MECOM: variants seen among roughly 807,000 people sequenced by gnomAD.
MECOM encodes the protein MDS1 and EVI1 complex locus.
Under a neutral mutation model 116.3 loss-of-function variants are expected in MECOM, and 13 were observed. The ratio of observed to expected loss-of-function variants is 0.11; its 90% CI spans 0.07 to 0.18. MECOM has a LOEUF of 0.18. Ranked by LOEUF, MECOM falls within the 10% of genes least tolerant of loss-of-function variation. The pLI is 1.00. For missense variants in MECOM, 1,299 were observed against 1,509.0 expected (o/e 0.86, Z 2.31); for synonymous variants, 528 against 535.2 (o/e 0.99, Z 0.19).
At chr3:169,354,602 CT>C (rs1244654661) in intron 2 of MECOM, among the ~76,000 whole-genome samples, 1 of 151,852 alleles carries the variant, frequency 6.6e-6, no homozygotes, top group African/African-American at 2.4e-5. Context: ...TACCAAAAAG[CT>C]TGTACCTTTA....
intron 2 of MECOM, among the ~76,000 whole-genome samples, chr3:169,151,648 C>A (rs569691130): frequency 6.6e-6 from 1 of 152,252 alleles, no homozygotes; most frequent in African/African-American, 2.4e-5. Flanking sequence ...TTTGGCTGAA[C>A]AATAAGTGCC....
intron 2 of MECOM, among the ~76,000 whole-genome samples, chr3:169,281,101 T>A (rs1229034983): frequency 6.6e-6 from 1 of 152,206 alleles, no homozygotes; most frequent in Non-Finnish European, 1.5e-5. Context: ...TGATGTAGAA[T>A]GTTGCCACTC....
At chr3:169,275,517 T>C (rs2149666988) in intron 2 of MECOM, among the ~76,000 whole-genome samples, 1 of 152,366 alleles carries the variant, frequency 6.6e-6, no homozygotes, top group South Asian at 2.1e-4. Flanking sequence ...CAAGGTCACC[T>C]GTGCTGGAAC....
chr3:169,374,626 C>T (rs757455118), intron 2 of MECOM, among the ~76,000 whole-genome samples: 2 of 151,990 alleles, frequency 1.3e-5, no homozygotes, highest in East Asian at 1.9e-4. Flanking sequence ...GCAATTCTCA[C>T]GTTGTCTCAT....
intron 12 of MECOM, among the ~76,000 whole-genome samples, chr3:169,097,896 G>C (rs1051245872): frequency 1.4e-5 from 2 of 144,118 alleles, no homozygotes; most frequent in Non-Finnish European, 1.5e-5. Flanking sequence ...TTTCTGAAGA[G>C]ATAATTTTCT....
At chr3:169,210,479 T>C (rs1006500662) in intron 2 of MECOM, among the ~76,000 whole-genome samples, 1 of 152,170 alleles carries the variant, frequency 6.6e-6, no homozygotes, top group African/African-American at 2.4e-5. Flanking sequence ...AAATTAGTAA[T>C]TGAGTGACAT....
chr3:169,270,542 C>A (rs558410499), intron 2 of MECOM, among the ~76,000 whole-genome samples: 1 of 152,068 alleles, frequency 6.6e-6, no homozygotes, highest in East Asian at 1.9e-4. Context: ...ACTGTTATAA[C>A]CCTTTCAGAA....
At chr3:169,565,316 G>A (rs1302271435) in intron 1 of MECOM, among the ~76,000 whole-genome samples, 1 of 152,138 alleles carries the variant, frequency 6.6e-6, no homozygotes, top group African/African-American at 2.4e-5. Flanking sequence ...GTGTCAGAAA[G>A]CCCAAATGCA....
intron 2 of MECOM, among the ~76,000 whole-genome samples, chr3:169,281,795 A>G (rs1204762677): frequency 6.6e-6 from 1 of 152,144 alleles, no homozygotes; most frequent in South Asian, 2.1e-4. Context: ...CTGGGTGACA[A>G]TGAGATCCTG....
intron 1 of MECOM, among the ~76,000 whole-genome samples, chr3:169,618,439 C>T (rs1204455924): frequency 2.0e-5 from 3 of 152,046 alleles, no homozygotes; most frequent in Non-Finnish European, 2.9e-5. Context: ...GGGTGGATCA[C>T]GAGGTCAAGA....
At chr3:169,505,473 T>C (rs189306160) in intron 1 of MECOM, among the ~76,000 whole-genome samples, 3 of 152,346 alleles carry the variant, frequency 2.0e-5, no homozygotes, top group Admixed American at 2.0e-4. Flanking sequence ...GATATACATA[T>C]ATATTGTGAA....
At chr3:169,491,647 T>C (rs1020522730) in intron 1 of MECOM, among the ~76,000 whole-genome samples, 2 of 152,200 alleles carry the variant, frequency 1.3e-5, no homozygotes, top group African/African-American at 2.4e-5. Context: ...GTTTGGGACC[T>C]CTTGTTTCAG....
intron 1 of MECOM, among the ~76,000 whole-genome samples, chr3:169,621,497 C>T (rs1219165769): frequency 6.6e-6 from 1 of 152,202 alleles, no homozygotes. Flanking sequence ...TGGCTCACAC[C>T]TGTAATCCCA....
chr3:169,266,570 C>T (rs1027043560), intron 2 of MECOM, among the ~76,000 whole-genome samples: 1 of 152,174 alleles, frequency 6.6e-6, no homozygotes, highest in African/African-American at 2.4e-5. Flanking sequence ...TCTCACTGAA[C>T]GTGGAGAGCC....
chr3:169,625,630 G>A (rs1485259746), intron 1 of MECOM, among the ~76,000 whole-genome samples: 1 of 152,142 alleles, frequency 6.6e-6, no homozygotes, highest in Admixed American at 6.5e-5. Context: ...TCTTTCATCT[G>A]AAAGACTGAA....
At chr3:169,635,236 C>G (rs1180119701) in intron 1 of MECOM, among the ~76,000 whole-genome samples, 1 of 152,220 alleles carries the variant, frequency 6.6e-6, no homozygotes, top group Non-Finnish European at 1.5e-5. Context: ...CAATGTCTAA[C>G]TCATAGGACT....
intron 1 of MECOM, among the ~76,000 whole-genome samples, chr3:169,606,675 A>G (rs1300112362): frequency 1.3e-5 from 2 of 152,166 alleles, no homozygotes; most frequent in Non-Finnish European, 2.9e-5. Context: ...TCTGCTCTGC[A>G]AGAACATTCA....
At chr3:169,433,195 A>G (rs1311436452) in intron 1 of MECOM, among the ~76,000 whole-genome samples, 2 of 152,228 alleles carry the variant, frequency 1.3e-5, no homozygotes, top group Non-Finnish European at 2.9e-5. Flanking sequence ...TAGGCCGGGC[A>G]TGGTGACTCA....
intron 4 of MECOM, among the ~76,000 whole-genome samples, chr3:169,130,576 G>A (rs186763022): frequency 2.0e-3 from 299 of 151,054 alleles, no homozygotes; most frequent in Non-Finnish European, 3.4e-3. Flanking sequence ...CCCGCCAAGA[G>A]TGGCAGCTTC....
Sources: allele counts gnomAD v4.1 joint callset (sites outside exome capture counted in the v4.1 genomes callset), GRCh38; gene constraint gnomAD v4.1.1; transcripts MANE v1.5; gene names NCBI Gene and HGNC (gene_info 2026-07-23, HGNC 2026-07-21).